The following FGF14 variants were observed in gnomAD, a reference collection of about 807,000 sequenced individuals.
FGF14 encodes the protein fibroblast growth factor 14, also known as fibroblast growth factor homologous factor 4.
In FGF14, 5 loss-of-function variants were observed where a neutral mutation model predicts 25.5. That is an observed-to-expected ratio of 0.20 (90% confidence interval 0.10 to 0.41). The LOEUF (loss-of-function observed/expected upper bound fraction) is 0.41. Among genes scored for constraint, FGF14 ranks in the 10% least tolerant of loss-of-function variants. The pLI is 1.00. For synonymous variants in FGF14, 138 were observed against 118.3 expected (o/e 1.17, Z -1.08); for missense variants, 222 against 320.1 (o/e 0.69, Z 2.34).
intron 3 of FGF14, among the ~76,000 whole-genome samples, chr13:101,749,702 G>C (rs904615142): frequency 2.6e-5 from 4 of 152,050 alleles, no homozygotes; most frequent in Non-Finnish European, 5.9e-5. Flanking sequence ...GAGAACATTT[G>C]TTACTTTTCA....
At chr13:101,901,722 C>T (rs2031577703) in intron 1 of FGF14, among the ~76,000 whole-genome samples, 1 of 151,856 alleles carries the variant, frequency 6.6e-6, no homozygotes, top group African/African-American at 2.4e-5. Flanking sequence ...AACAAATAAA[C>T]AACCCAAAAA....
At chr13:101,799,683 G>T (rs562378638) in intron 3 of FGF14, among the ~76,000 whole-genome samples, 108 of 152,012 alleles carry the variant, frequency 7.1e-4, no homozygotes, top group Admixed American at 1.9e-3. Flanking sequence ...TGCTCTACCT[G>T]GCAGACCCTT....
At chr13:101,998,511 A>G (rs1193353667) in intron 1 of FGF14, among the ~76,000 whole-genome samples, 4 of 152,180 alleles carry the variant, frequency 2.6e-5, no homozygotes, top group African/African-American at 9.7e-5. Flanking sequence ...TGATCATCTT[A>G]GATAGGTTAG....
chr13:101,766,576 G>A (rs1312770345), intron 3 of FGF14, among the ~76,000 whole-genome samples: 2 of 152,214 alleles, frequency 1.3e-5, no homozygotes, highest in African/African-American at 4.8e-5. Flanking sequence ...AAGCAGTGGA[G>A]AAGTTGAGTA....
At position 102,024,182 on chromosome 13, in the gene FGF14, C is replaced by G. The variant is rs916504908; in HGVS notation, c.209-148886G>C. ...ATAAAATTCCTGAGTTACTCTGTTTCACATTTTAAAGAACTGTATGTGTTT... is the reference window on the plus strand; with the variant it reads ...ATAAAATTCCTGAGTTACTCTGTTTGACATTTTAAAGAACTGTATGTGTTT... On this transcript the variant is annotated intron_variant, in intron 1 of 4. Coordinates refer to the FGF14 transcript ENST00000376131. Among the ~76,000 whole-genome samples the G allele has an allele frequency of 3.9e-5, 6 of 151,996 alleles. No homozygotes were observed. The East Asian group carries it at 1.2e-3, about 29-fold the overall frequency.
At chr13:101,798,099 G>A (rs767245079) in intron 3 of FGF14, among the ~76,000 whole-genome samples, 25 of 151,808 alleles carry the variant, frequency 1.6e-4, no homozygotes, top group South Asian at 1.3e-3. Context: ...CTGTTTTTTT[G>A]TATTTGATCT....
chr13:102,392,170 G>GA (rs1047459332), intron 1 of FGF14, among the ~76,000 whole-genome samples: 5 of 151,986 alleles, frequency 3.3e-5, no homozygotes, highest in African/African-American at 1.2e-4. Context: ...GCTACAGGAG[G>GA]AAAAAAAGGC....
chr13:102,402,144 T>C (rs930312788), upstream of FGF14: 2 of 159,224 alleles, frequency 1.3e-5, no homozygotes, highest in Admixed American at 6.0e-5. Flanking sequence ...ACCTCCGAGA[T>C]TGAGTCTGAC....
At chr13:101,811,041 G>GCC (rs2041480543) in intron 3 of FGF14, among the ~76,000 whole-genome samples, 1 of 141,142 alleles carries the variant, frequency 7.1e-6, no homozygotes, top group Non-Finnish European at 1.5e-5. Context: ...CGCCCCCCCC[G>GCC]GCCCCCGCAT....
chr13:101,868,275 G>A (rs921376156), intron 3 of FGF14: 11 of 191,508 alleles, frequency 5.7e-5, no homozygotes, highest in Non-Finnish European at 9.7e-5. Context: ...ACAGAGGCTT[G>A]CAAGAAATAC....
At chr13:101,959,128 C>T (rs570185873) in intron 1 of FGF14, among the ~76,000 whole-genome samples, 1 of 152,244 alleles carries the variant, frequency 6.6e-6, no homozygotes, top group South Asian at 2.1e-4. Context: ...ATAAGGAGTG[C>T]ACAACCTAGA....
At chr13:102,266,638 G>A (rs2141140628) in intron 1 of FGF14, among the ~76,000 whole-genome samples, 1 of 152,176 alleles carries the variant, frequency 6.6e-6, no homozygotes, top group Admixed American at 6.5e-5. Flanking sequence ...CATGGACCAT[G>A]GATTCTGGGT....
At chr13:101,915,115 A>G (rs747354896) in intron 1 of FGF14, among the ~76,000 whole-genome samples, 4 of 152,244 alleles carry the variant, frequency 2.6e-5, no homozygotes, top group Non-Finnish European at 5.9e-5. Context: ...CTCTAACAGA[A>G]CTTCCACTCT....
Position 101,916,723 on chromosome 13 carries a change from G to A in FGF14, c.-78C>T. ...GGGGGCACCGGAGGGGAAGGCGGCG[G>A]CGCAGACCGTGGCTCGCCCTCGGGG... is the stretch of plus-strand genomic sequence containing the variant. On this transcript the variant is annotated 5_prime_UTR_variant, in exon 1 of 5. Coordinates refer to ENST00000376143, the MANE Select transcript of FGF14 (RefSeq NM_004115.4). 7.6e-7 allele frequency: 1 copy of A among 1,309,882 alleles called. No individual in the cohort carries two copies. Among genetic ancestry groups the A allele is most frequent in the Non-Finnish European group, 1.0e-6 (1 of 983,220 alleles). The allele number at this position is 1,309,882 out of a possible 1,614,324, so 81.1% of individuals were successfully genotyped here.
At chr13:101,995,867 G>T (rs2039151570) in intron 1 of FGF14, among the ~76,000 whole-genome samples, 1 of 152,172 alleles carries the variant, frequency 6.6e-6, no homozygotes, top group Non-Finnish European at 1.5e-5. Flanking sequence ...GGGAAGGGTA[G>T]TGGGGGGCTG....
chr13:102,333,423 T>C (rs1308830221), intron 1 of FGF14, among the ~76,000 whole-genome samples: 2 of 152,166 alleles, frequency 1.3e-5, no homozygotes, highest in African/African-American at 4.8e-5. Context: ...ACTTGTTATT[T>C]GAAGATCAAG....
At chr13:101,782,644 G>A (rs2039576473) in intron 3 of FGF14, among the ~76,000 whole-genome samples, 1 of 152,074 alleles carries the variant, frequency 6.6e-6, no homozygotes, top group Non-Finnish European at 1.5e-5. Flanking sequence ...GTGGTATTTG[G>A]TTTTCCTTTC....
intron 1 of FGF14, among the ~76,000 whole-genome samples, chr13:102,043,798 G>T (rs2041855226): frequency 1.3e-5 from 2 of 152,110 alleles, no homozygotes; most frequent in African/African-American, 4.8e-5. Flanking sequence ...TAACCTCTCT[G>T]GGTCTCACTT....
intron 1 of FGF14, among the ~76,000 whole-genome samples, chr13:102,211,183 C>T (rs1006689744): frequency 6.6e-6 from 1 of 152,056 alleles, no homozygotes; most frequent in Non-Finnish European, 1.5e-5. Context: ...GAACAAGAGA[C>T]AGATTGGCCA....
Sources: gnomAD v4.1 joint callset for allele counts (sites outside exome capture counted in the v4.1 genomes callset) on GRCh38, gnomAD v4.1.1 for gene constraint, MANE v1.5 for transcripts, NCBI Gene and HGNC (gene_info 2026-07-23, HGNC 2026-07-21) for gene names.